Variants in PCDH15 observed in about 807,000 individuals in gnomAD.
The protein encoded by PCDH15 is protocadherin related 15.
Under a neutral mutation model 178.5 loss-of-function variants are expected in PCDH15, and 129 were observed. The ratio of observed to expected loss-of-function variants is 0.72; its 90% CI spans 0.63 to 0.84. The LOEUF (loss-of-function observed/expected upper bound fraction) is 0.84, where lower values mean the gene tolerates loss of function less well. Among genes scored for constraint, PCDH15 ranks in the 40% least tolerant of loss-of-function variants. The pLI, the probability that PCDH15 is intolerant of heterozygous loss-of-function variation, is 0.00. For synonymous variants in PCDH15, 800 were observed against 732.0 expected, an observed-to-expected ratio of 1.09 and a Z score of -1.50; for missense variants, 2,230 against 2,099.9, an observed-to-expected ratio of 1.06 and a Z score of -1.21.
intron 2 of PCDH15, among the ~76,000 whole-genome samples, chr10:54,909,870 C>T (rs565093381): frequency 6.6e-6 from 1 of 152,216 alleles, no homozygotes; most frequent in East Asian, 1.9e-4. Context: ...GATCAGGTGA[C>T]TCAGCCAGGC....
chr10:54,586,416 C>T (rs1390649722), intron 2 of PCDH15, among the ~76,000 whole-genome samples: 1 of 152,008 alleles, frequency 6.6e-6, no homozygotes, highest in Admixed American at 6.6e-5. Flanking sequence ...AATAATAATC[C>T]ATTAGCTAAT....
intron 3 of PCDH15, among the ~76,000 whole-genome samples, chr10:54,407,185 T>A (rs1450165832): frequency 2.0e-5 from 3 of 152,088 alleles, no homozygotes; most frequent in African/African-American, 7.2e-5. Flanking sequence ...AGAAAACAAA[T>A]CAGTGGTTGC....
At position 54,660,452 on chromosome 10, in the gene PCDH15, A is replaced by G. The variant is rs535918922; in HGVS notation, c.91+3720T>C. 2.6e-5 allele frequency among the ~76,000 whole-genome samples: 4 copies of G among 152,238 alleles called. No individual in the cohort carries two copies. In the South Asian group the frequency reaches 8.3e-4, roughly 32 times the overall value. ...ATCCTGAAGAGACATATAATGAGTT[A>G]TGAAATTGAATTAGTAATAAAAAAT... On this transcript the variant is annotated intron_variant, in intron 2 of 37. Transcript: ENST00000644397.
chr10:54,027,343 A>G (rs920227806), intron 18 of PCDH15, among the ~76,000 whole-genome samples: 1 of 151,828 alleles, frequency 6.6e-6, no homozygotes, highest in African/African-American at 2.4e-5. Context: ...AAGAATCAAT[A>G]TCGTGAAAAT....
intron 3 of PCDH15, among the ~76,000 whole-genome samples, chr10:54,392,552 T>G (rs1204523466): frequency 6.6e-6 from 1 of 151,420 alleles, no homozygotes; most frequent in South Asian, 2.1e-4. Flanking sequence ...CTTCTGTCCT[T>G]AGATCATATT....
chr10:54,531,463 A>T (rs1315602213), intron 2 of PCDH15, among the ~76,000 whole-genome samples: 1 of 152,230 alleles, frequency 6.6e-6, no homozygotes, highest in Non-Finnish European at 1.5e-5. Context: ...TCTCACAGAT[A>T]CTAAGCCTGT....
At chr10:55,414,716 T>C (rs1391274022) in intron 2 of PCDH15, among the ~76,000 whole-genome samples, 2 of 151,396 alleles carry the variant, frequency 1.3e-5, no homozygotes, top group African/African-American at 4.8e-5. Context: ...GATTTTTATA[T>C]GTTAATTTTG....
chr10:54,748,385 A>G (rs539516304), intron 1 of PCDH15, among the ~76,000 whole-genome samples: 6 of 152,128 alleles, frequency 3.9e-5, no homozygotes, highest in Non-Finnish European at 8.8e-5. Flanking sequence ...AATGAGACCA[A>G]GGTCCGTGCT....
chr10:54,149,743 G>C (rs1231924993), intron 14 of PCDH15, among the ~76,000 whole-genome samples: 3 of 152,130 alleles, frequency 2.0e-5, no homozygotes, highest in Admixed American at 1.3e-4. Flanking sequence ...GATCACCCAG[G>C]CTATTGTGTT....
intron 2 of PCDH15, among the ~76,000 whole-genome samples, chr10:55,079,150 G>T (rs917388908): frequency 6.6e-6 from 1 of 151,830 alleles, no homozygotes; most frequent in African/African-American, 2.4e-5. Flanking sequence ...GTGTTCTTTT[G>T]GGTATATCCC....
intron 2 of PCDH15, among the ~76,000 whole-genome samples, chr10:55,436,179 G>C (rs1413675): frequency 0.77 from 116,913 of 151,962 alleles, 46,268 homozygotes; most frequent in East Asian, 1. Flanking sequence ...GTTGTAAAGG[G>C]AGGACTGAGC....
intron 1 of PCDH15, among the ~76,000 whole-genome samples, chr10:55,317,867 C>G (rs1432755927): frequency 6.6e-6 from 1 of 152,118 alleles, no homozygotes; most frequent in Admixed American, 6.6e-5. Context: ...AAGGCACCTT[C>G]TAGATCACGG....
intron 2 of PCDH15, among the ~76,000 whole-genome samples, chr10:55,014,658 A>G (rs747408586): frequency 4.6e-5 from 7 of 152,184 alleles, no homozygotes; most frequent in Non-Finnish European, 8.8e-5. Flanking sequence ...TTGTCTTTCT[A>G]ATTCATTGAA....
At chr10:54,924,533 A>G (rs1387846487) in intron 2 of PCDH15, among the ~76,000 whole-genome samples, 1 of 89,502 alleles carries the variant, frequency 1.1e-5, no homozygotes, top group Non-Finnish European at 3.2e-5. Context: ...TTTTTCCACA[A>G]TGAATGAAAA....
At chr10:55,395,196 TGAGAGAGA>T (rs55765914) in intron 2 of PCDH15, among the ~76,000 whole-genome samples, 6,512 of 126,600 alleles carry the variant, frequency 0.051, 202 homozygotes, top group Non-Finnish European at 0.072. Context: ...TGTGTGTGTG[TGAGAGAGA>T]GAGAGAGAGA....
chr10:54,757,204 T>C (rs1947253077), intron 1 of PCDH15, among the ~76,000 whole-genome samples: 1 of 152,120 alleles, frequency 6.6e-6, no homozygotes, highest in South Asian at 2.1e-4. Flanking sequence ...AACATACATG[T>C]GTATGCCAAA....
At chr10:55,390,879 A>C (rs752280319) in intron 2 of PCDH15, among the ~76,000 whole-genome samples, 2 of 152,194 alleles carry the variant, frequency 1.3e-5, no homozygotes, top group Non-Finnish European at 2.9e-5. Flanking sequence ...AAACAGATGT[A>C]CAATCTTTGC....
At position 55,104,444 on chromosome 10, in the gene PCDH15, G is replaced by A. The variant is rs147538583; in HGVS notation, c.-80+62132C>T. Reference sequence around the variant, plus strand: ...TTTCACCTTCCTTTTGCTTTAAGTTGTCACATAATGAGTTTGCTTTTTTAA... The same window carrying A: ...TTTCACCTTCCTTTTGCTTTAAGTTATCACATAATGAGTTTGCTTTTTTAA... On this transcript the variant is annotated intron_variant, in intron 2 of 5. Transcript: ENST00000458638. 8.2e-3 allele frequency among the ~76,000 whole-genome samples: 1,240 copies of A among 152,122 alleles called. 15 individuals are homozygous for A. The highest frequency in any genetic ancestry group is 0.027 in the African/African-American group (1,119 of 41,514).
intron 2 of PCDH15, among the ~76,000 whole-genome samples, chr10:54,615,223 A>G (rs1231125774): frequency 6.6e-6 from 1 of 152,088 alleles, no homozygotes; most frequent in Non-Finnish European, 1.5e-5. Flanking sequence ...GAGTTTATAC[A>G]GTAGAAAATA....
Sources: allele counts gnomAD v4.1 joint callset (sites outside exome capture counted in the v4.1 genomes callset), GRCh38; gene constraint gnomAD v4.1.1; transcripts MANE v1.5; gene names NCBI Gene and HGNC (gene_info 2026-07-23, HGNC 2026-07-21).